TEX11: variants seen among roughly 807,000 people sequenced by gnomAD.
The protein encoded by TEX11 is testis expressed 11.
Under a neutral mutation model 84.4 loss-of-function variants are expected in TEX11, and 7 were observed. The observed-to-expected ratio is 0.08, with a 90% confidence interval of 0.05 to 0.16. The LOEUF (loss-of-function observed/expected upper bound fraction) is 0.16, where lower values mean the gene tolerates loss of function less well. Among genes scored for constraint, TEX11 ranks in the 10% least tolerant of loss-of-function variants. The pLI is 1.00. For missense variants in TEX11, 551 were observed against 660.5 expected (o/e 0.83, Z 1.82); for synonymous variants, 264 against 222.8 (o/e 1.18, Z -1.64).
chrX:70,592,380 T>TGGGCTAGGGATTCTCTGAA (rs2088943999), intron 24 of TEX11, among the ~76,000 whole-genome samples: 1 of 111,564 alleles, frequency 9.0e-6, no homozygotes, highest in Non-Finnish European at 1.9e-5. Flanking sequence ...CTCCAGTTTC[T>TGGGCTAGGGATTCTCTGAA]GGGCTAGGGA....
intron 25 of TEX11, among the ~76,000 whole-genome samples, chrX:70,560,243 C>T (rs780733251): frequency 1.3e-4 from 14 of 109,506 alleles, no homozygotes; most frequent in Non-Finnish European, 2.1e-4. Flanking sequence ...CTCCGCTTCC[C>T]GGGTTCAAGC....
Position 70,553,377 on chromosome X carries a change from A to G in TEX11, c.2328T>C (p.Ile776=). The G allele has an allele frequency of 8.3e-7, 1 of 1,208,983 alleles. No homozygotes were observed. Among genetic ancestry groups the G allele is most frequent in the Non-Finnish European group, 1.1e-6 (1 of 893,889 alleles). Residue 776 remains isoleucine (I), a synonymous_variant, in exon 27 of 30, where the codon ATT becomes ATC. Coordinates refer to ENST00000374333, the MANE Select transcript of TEX11 (RefSeq NM_031276.3). ...AMEKPAHYPL[I]ALKALKKALL... ...AAGCCTTTTTCAAGGCCTTGAGAGC[A>G]ATCAAAGGATAGTGTGCAGGCTTTT...
intron 28 of TEX11, among the ~76,000 whole-genome samples, chrX:70,539,285 C>T (rs920940579): frequency 5.5e-5 from 6 of 108,276 alleles, no homozygotes; most frequent in African/African-American, 2.0e-4. Context: ...CCATCCGCCT[C>T]GGCCTCCCAA....
At chrX:70,529,664 A>G (rs1371381366) in intron 29 of TEX11, among the ~76,000 whole-genome samples, 171 bp downstream of exon 29, 3 of 111,548 alleles carry the variant, frequency 2.7e-5, no homozygotes, top group Non-Finnish European at 3.8e-5. Context: ...GCTCTAAGGA[A>G]TTACTGTTTA....
chrX:70,529,969 G>T lies in TEX11; in HGVS notation c.2551C>A (p.Leu851Met), dbSNP rs1165914544. 4 of 1,208,629 alleles carry T rather than the reference G, an allele frequency of 3.3e-6. No individual in the cohort carries two copies. In the South Asian group the frequency reaches 7.1e-5, roughly 22 times the overall value. ...CCGGTATTCCAGGACTTGACCATCA[G>T]CCAGAGAATCTCCATTTCTGGGTAG... is the stretch of plus-strand genomic sequence containing the variant. ...KDYPEMEILW[L>M]MVKSWNTGVL... Residue 851 changes from leucine (L) to methionine (M), a missense_variant, in exon 29 of 30, where the codon CTG (leucine) becomes ATG (methionine). Transcript: ENST00000374333.
intron 28 of TEX11, among the ~76,000 whole-genome samples, chrX:70,545,770 G>C (rs934731623): frequency 1.8e-5 from 2 of 111,750 alleles, no homozygotes; most frequent in Non-Finnish European, 3.8e-5. Context: ...CCACAAACAT[G>C]TGAGTAATGT....
intron 10 of TEX11, among the ~76,000 whole-genome samples, chrX:70,742,237 T>C (rs939335685): frequency 1.8e-5 from 2 of 110,248 alleles, no homozygotes; most frequent in Non-Finnish European, 3.8e-5. Context: ...TACTACTTTG[T>C]ATCTTGCTTC....
chrX:70,546,206 C>T (rs1324022435), intron 28 of TEX11, among the ~76,000 whole-genome samples: 2 of 111,813 alleles, frequency 1.8e-5, no homozygotes, highest in Non-Finnish European at 3.8e-5. Flanking sequence ...AGCAAACAAA[C>T]AAAACATCAT....
rs549201546 is a variant in TEX11, at chrX:70,808,107, CAAAAAAAAAAAAAAAAAAAAA to C, written c.607-1338_607-1318del. 7.2e-3 allele frequency among the ~76,000 whole-genome samples: 236 copies of C among 32,617 alleles called. 1 individual carries two copies. The highest frequency in any genetic ancestry group is 0.012 in the Admixed American group (24 of 2,042). The allele number at this position is 32,617 out of a possible 115,157, so 28.3% of individuals were successfully genotyped here. ...TGGATGACAGAGTGAGACTCTGTCT[CAAAAAAAAAAAAAAAAAAAAA>C]AAAAAAAAAAAAAAAGAATGAATGA... is the stretch of plus-strand genomic sequence containing the variant. On this transcript the variant is annotated intron_variant, in intron 8 of 29. Transcript: ENST00000374333.
At chrX:70,808,249 T>C in intron 8 of TEX11, among the ~76,000 whole-genome samples, 1 of 105,002 alleles carries the variant, frequency 9.5e-6, no homozygotes. Context: ...AAGCCTGAAA[T>C]CCCAGCACTT....
chrX:70,653,723 C>A (rs779670634), intron 16 of TEX11, among the ~76,000 whole-genome samples: 14 of 111,694 alleles, frequency 1.3e-4, no homozygotes, highest in African/African-American at 3.9e-4. Context: ...CTTATGTCTA[C>A]ACAAAAATCT....
At chrX:70,552,386 C>A in intron 27 of TEX11, 140 bp from the exon 28 acceptor site, 1 of 729,417 alleles carries the variant, frequency 1.4e-6, no homozygotes, top group Non-Finnish European at 1.9e-6. Flanking sequence ...ATCTGGCCTC[C>A]AACCTCAGAA....
At chrX:70,870,484 C>T (rs763706057) in intron 4 of TEX11, among the ~76,000 whole-genome samples, 9 of 110,714 alleles carry the variant, frequency 8.1e-5, no homozygotes, top group Admixed American at 1.9e-4. Context: ...CACAGGAGCC[C>T]ACCACCACGC....
At chrX:70,598,272 A>G (rs936509256) in intron 24 of TEX11, among the ~76,000 whole-genome samples, 1 of 112,554 alleles carries the variant, frequency 8.9e-6, no homozygotes, top group African/African-American at 3.2e-5. Context: ...GATTCTCAAC[A>G]TCATTAGTCA....
chrX:70,832,092 C>T (rs1364536318), intron 8 of TEX11, among the ~76,000 whole-genome samples: 1 of 111,359 alleles, frequency 9.0e-6, no homozygotes, highest in Non-Finnish European at 1.9e-5. Context: ...TAAATCAATC[C>T]TGTATACCAC....
rs1374593795 is a variant in TEX11 at position 70,716,044 on chromosome X, G to T, written c.1004+6574C>A. The stretch of plus-strand genomic sequence containing the variant: ...CTCAGCTGCAGGTGCATTGGAGTTT[G>T]CCAGAGGTCCACTCCAGACCCTGTT... On this transcript the variant is annotated intron_variant, in intron 13 of 29. Coordinates refer to ENST00000374333, the MANE Select transcript of TEX11 (RefSeq NM_031276.3). 2.7e-5 allele frequency among the ~76,000 whole-genome samples: 3 copies of T among 110,742 alleles called. No individual in the cohort carries two copies. In the South Asian group the frequency reaches 1.1e-3, roughly 42 times the overall value.
chrX:70,776,850 T>G (rs2091004953), intron 9 of TEX11, among the ~76,000 whole-genome samples: 1 of 110,339 alleles, frequency 9.1e-6, no homozygotes, highest in African/African-American at 3.3e-5. Context: ...AATAGCAGAG[T>G]CAGGCAACAA....
intron 9 of TEX11, among the ~76,000 whole-genome samples, chrX:70,788,936 TTATATATATATATATATATATATA>T (rs1221493254): frequency 5.5e-5 from 1 of 18,179 alleles, no homozygotes; most frequent in Non-Finnish European, 8.2e-5. Flanking sequence ...AGGGTTTTGA[TTATATATATATATATATATATATA>T]TATATATATA....
In TEX11 at chrX:70,788,973, T is replaced by TAGAGAG. The variant is rs35956435; in HGVS notation, c.692+17726_692+17731dup. Among the ~76,000 whole-genome samples the TAGAGAG allele has an allele frequency of 9.6e-3, 92 of 9,562 alleles. 8 individuals carry two copies. Among genetic ancestry groups the TAGAGAG allele is most frequent in the Non-Finnish European group, 0.013 (72 of 5,531 alleles). 8.3% of individuals were successfully genotyped at this position (9,562 alleles called of 115,157 possible). Reference sequence around the variant, plus strand: ...ATATATATATATATATATATATATATAGAGAGAGAGAGAGAGAGAGAGAGA... The same window carrying TAGAGAG: ...ATATATATATATATATATATATATATAGAGAGAGAGAGAGAGAGAGAGAGAGAGAGA... On this transcript the variant is annotated intron_variant, in intron 9 of 29. Transcript: ENST00000374333.
Sources: allele counts gnomAD v4.1 joint callset (sites outside exome capture counted in the v4.1 genomes callset), GRCh38; gene constraint gnomAD v4.1.1; transcripts MANE v1.5; gene names NCBI Gene and HGNC (gene_info 2026-07-23, HGNC 2026-07-21).